The following FNTB variants were observed in gnomAD, a reference collection of about 807,000 sequenced individuals.
FNTB encodes protein farnesyltransferase subunit beta.
A neutral mutation model predicts 59.4 loss-of-function variants in FNTB; 27 were observed. The ratio of observed to expected loss-of-function variants is 0.45; its 90% confidence interval spans 0.34 to 0.63. FNTB has a LOEUF of 0.63. Ranked by LOEUF, FNTB falls within the 20% of genes least tolerant of loss-of-function variation. The pLI, the probability that FNTB is intolerant of heterozygous loss-of-function variation, is 0.02. For synonymous variants in FNTB, 230 were observed against 220.7 expected, an observed-to-expected ratio of 1.04 and a Z score of -0.37; for missense variants, 449 against 559.6, an observed-to-expected ratio of 0.80 and a Z score of 1.99.
chr14:65,015,442 G>T (rs2061754358), intron 3 of FNTB, 183 bp from the exon 4 acceptor site: 6 of 303,364 alleles, frequency 2.0e-5, no homozygotes, highest in East Asian at 4.9e-5. Flanking sequence ...TTTAACAGAT[G>T]GTCATTTCAG....
chr14:65,003,579 A>C (rs950678524), intron 1 of FNTB: 1 of 152,246 alleles, frequency 6.6e-6, no homozygotes, highest in African/African-American at 2.4e-5. Context: ...ATTCTGAAAG[A>C]GGTGATCTAG....
At position 65,054,319 on chromosome 14, in the gene FNTB, C is replaced by T. The variant is rs939500640; in HGVS notation, c.1068-256C>T. Among the ~76,000 whole-genome samples the T allele has an allele frequency of 1.3e-4, 19 of 151,986 alleles. No individual in the cohort carries two copies. The East Asian group carries it at 1.8e-3, about 14-fold the overall frequency. ...TAGAGACGGGGTCTCCCATGTTGCC[C>T]AAGTTGGTTTTGAACTCCTGGCCTC... On this transcript the variant is annotated intron_variant, in intron 10 of 11. Coordinates refer to ENST00000246166, the MANE Select transcript of FNTB (RefSeq NM_002028.4). The surrounding 1 kb of genome is among the most constrained non-coding windows in gnomAD (Gnocchi z 4.4).
At position 65,054,388 on chromosome 14, in the gene FNTB, G is replaced by A. The variant is rs10130037; in HGVS notation, c.1068-187G>A. Among the ~76,000 whole-genome samples, 15,812 of 151,506 alleles carry A rather than the reference G, an allele frequency of 0.1. 1,314 individuals are homozygous for A. The highest frequency in any genetic ancestry group is 0.23 in the African/African-American group (9,298 of 41,238). On this transcript the variant is annotated intron_variant, in intron 10 of 11. Coordinates refer to ENST00000246166, the MANE Select transcript of FNTB (RefSeq NM_002028.4). The surrounding 1 kb of genome is among the most constrained non-coding windows in gnomAD (Gnocchi z 4.4). Reference sequence around the variant, plus strand: ...AGCCTCCTGCTTGCTGGGATTATGGGTGTGAGCCACTGTGCTCAGCCAGTG... The same window carrying A: ...AGCCTCCTGCTTGCTGGGATTATGGATGTGAGCCACTGTGCTCAGCCAGTG...
chr14:65,018,273 T>G (rs904325064), intron 4 of FNTB, among the ~76,000 whole-genome samples: 1 of 152,172 alleles, frequency 6.6e-6, no homozygotes, highest in African/African-American at 2.4e-5. Flanking sequence ...GAGGCTGCAG[T>G]GAGCCATGAT....
Position 65,054,443 on chromosome 14 carries a change from A to G in FNTB, c.1068-132A>G, listed in dbSNP as rs145493668. 5.0e-4 allele frequency: 438 copies of G among 881,798 alleles called. 6 individuals carry two copies. The East Asian group carries it at 0.012, about 23-fold the overall frequency. 54.6% of individuals were successfully genotyped at this position (881,798 alleles called of 1,614,324 possible). ...TTTAAATAACACTGCTGGGAAAACC[A>G]TGCCTCCTCTAGCCACATGGAGGAT... On this transcript the variant is annotated intron_variant, in intron 10 of 11. Transcript: ENST00000246166. The surrounding 1 kb of genome is among the most constrained non-coding windows in gnomAD (Gnocchi z 4.4).
chr14:65,005,453 C>CTTTCTTTCTT (rs2061566114), intron 2 of FNTB, among the ~76,000 whole-genome samples: 2 of 65,076 alleles, frequency 3.1e-5, no homozygotes, highest in Non-Finnish European at 6.5e-5. Flanking sequence ...CCTTTCTTTT[C>CTTTCTTTCTT]TTTCTTTCTT....
At chr14:65,037,323 C>T (rs1222616664) in intron 7 of FNTB, among the ~76,000 whole-genome samples, 4 of 139,258 alleles carry the variant, frequency 2.9e-5, no homozygotes, top group East Asian at 2.3e-4. Context: ...AGGCTGGTCT[C>T]GAACTCCTGA....
At position 65,016,920 on chromosome 14, in the gene FNTB, G is replaced by GTTTTTTT. The variant is rs34191835; in HGVS notation, c.374+1218_374+1224dup. 9.6e-4 allele frequency among the ~76,000 whole-genome samples: 110 copies of GTTTTTTT among 114,834 alleles called. 1 individual carries two copies. Among genetic ancestry groups the GTTTTTTT allele is most frequent in the Non-Finnish European group, 1.4e-3 (82 of 58,360 alleles). The allele number at this position is 114,834 out of a possible 152,430, so 75.3% of individuals were successfully genotyped here. A position where few individuals can be genotyped will look rare whatever the true frequency, so the allele number is the denominator to read the frequency against. On this transcript the variant is annotated intron_variant, in intron 4 of 11. Transcript: ENST00000246166. ...TAATTGTCAAAGAAAGGCCCACGTG[G>GTTTTTTT]TTTTTTTTTTTTTTTTTTTTGAGAC...
Position 65,061,493 on chromosome 14 carries a change from G to T in FNTB, c.*181G>T. ...CTGGGTTTGGAGAACACAGTGGCTGGTTTTAAAAATTCTTTCCACACCTGT... is the reference window on the plus strand; with the variant it reads ...CTGGGTTTGGAGAACACAGTGGCTGTTTTTAAAAATTCTTTCCACACCTGT... On this transcript the variant is annotated 3_prime_UTR_variant, in exon 12 of 12. Transcript: ENST00000246166. 8.7e-7 allele frequency: 1 copy of T among 1,154,996 alleles called. No individual in the cohort carries two copies. The highest frequency in any genetic ancestry group is 1.2e-6 in the Non-Finnish European group (1 of 856,044). 71.5% of individuals were successfully genotyped at this position (1,154,996 alleles called of 1,614,324 possible).
chr14:65,043,320 C>T (rs1361007519), intron 8 of FNTB, among the ~76,000 whole-genome samples: 2 of 152,154 alleles, frequency 1.3e-5, no homozygotes, highest in African/African-American at 4.8e-5. Context: ...TCGTGTGTGA[C>T]CGCTGAGTGA....
chr14:65,044,511 C>T lies in FNTB; in HGVS notation c.955+68C>T. 1 of 1,551,108 alleles carries T rather than the reference C, an allele frequency of 6.4e-7. No individual in the cohort carries two copies. The highest frequency in any genetic ancestry group is 8.7e-7 in the Non-Finnish European group (1 of 1,154,170). ...TCCACTACTCACAAAGTCTGGAAGC[C>T]CAGCGTGCTTTTTTAGAGGGGTTGA... is the stretch of plus-strand genomic sequence containing the variant. On this transcript the variant is annotated intron_variant, in intron 9 of 11. Coordinates refer to ENST00000246166, the MANE Select transcript of FNTB (RefSeq NM_002028.4). The surrounding 1 kb of genome is among the most constrained non-coding windows in gnomAD (Gnocchi z 5.5).
rs1595012946 is a variant in FNTB at position 65,011,025 on chromosome 14, C to T, written c.210-1292C>T. On this transcript the variant is annotated intron_variant, in intron 2 of 11. Transcript: ENST00000246166. This position sits in a 1 kb window ranked among gnomAD's most constrained non-coding sequence, Gnocchi z 4.0. Reference sequence around the variant, plus strand: ...TCCTTTCTTCATGAGATATCCCCTCCCTTTTGAGCCTCAGTAGTATGTTTT... The same window carrying T: ...TCCTTTCTTCATGAGATATCCCCTCTCTTTTGAGCCTCAGTAGTATGTTTT... Among the ~76,000 whole-genome samples, 1 of 123,802 alleles carries T rather than the reference C, an allele frequency of 8.1e-6. No homozygotes were observed. Among genetic ancestry groups the T allele is most frequent in the African/African-American group, 3.2e-5 (1 of 31,328 alleles). The allele number at this position is 123,802 out of a possible 152,430, so 81.2% of individuals were successfully genotyped here.
intron 4 of FNTB, among the ~76,000 whole-genome samples, chr14:65,025,023 G>A (rs1364012281): frequency 1.3e-5 from 2 of 152,178 alleles, no homozygotes; most frequent in East Asian, 3.8e-4. Flanking sequence ...GTAGTTCATA[G>A]TCAACTTGCC....
At position 65,031,017 on chromosome 14, in the gene FNTB, A is replaced by T. The variant is rs961708558; in HGVS notation, c.606-1593A>T. ...GAGACGAGGTCTCACCATGTTGGCC[A>T]GGCTAGTCTCGAACTCCTGACCTCA... On this transcript the variant is annotated intron_variant, in intron 6 of 11. Coordinates refer to ENST00000246166, the MANE Select transcript of FNTB (RefSeq NM_002028.4). This position sits in a 1 kb window ranked among gnomAD's most constrained non-coding sequence, Gnocchi z 4.6. Among the ~76,000 whole-genome samples, 1 of 152,030 alleles carries T rather than the reference A, an allele frequency of 6.6e-6. No homozygotes were observed. Among genetic ancestry groups the T allele is most frequent in the Non-Finnish European group, 1.5e-5 (1 of 67,988 alleles).
intron 4 of FNTB, among the ~76,000 whole-genome samples, chr14:65,026,085 C>G (rs918606175): frequency 1.3e-5 from 2 of 152,204 alleles, no homozygotes; most frequent in Non-Finnish European, 2.9e-5. Flanking sequence ...TGTAGTCTTT[C>G]TGGCAGCAGT....
At chr14:65,004,458 C>G in intron 2 of FNTB, 145 bp downstream of exon 2, 1 of 825,874 alleles carries the variant, frequency 1.2e-6, no homozygotes, top group Non-Finnish European at 1.9e-6. Context: ...CCTGGATATG[C>G]TAAGACCCCC....
rs572319066 is a variant in FNTB at position 65,031,817 on chromosome 14, A to T, written c.606-793A>T. Among the ~76,000 whole-genome samples, 3 of 152,206 alleles carry T rather than the reference A, an allele frequency of 2.0e-5. No individual in the cohort carries two copies. The highest frequency in any genetic ancestry group is 7.2e-5 in the African/African-American group (3 of 41,574). On this transcript the variant is annotated intron_variant, in intron 6 of 11. Coordinates refer to ENST00000246166, the MANE Select transcript of FNTB (RefSeq NM_002028.4). This position sits in a 1 kb window ranked among gnomAD's most constrained non-coding sequence, Gnocchi z 4.6. Reference sequence around the variant, plus strand: ...GCGCCTGTAATCCCAGCTACTTGGGAGGCTGATACAGGAGAATTGCTTGAA... The same window carrying T: ...GCGCCTGTAATCCCAGCTACTTGGGTGGCTGATACAGGAGAATTGCTTGAA...
chr14:65,019,431 GAGCCGAGATCACACCACTGCACTCC>G (rs1456658167), intron 4 of FNTB, among the ~76,000 whole-genome samples: 1 of 151,588 alleles, frequency 6.6e-6, no homozygotes, highest in East Asian at 1.9e-4. Flanking sequence ...AGGTTGCAGT[GAGCCGAGATCACACCACTGCACTCC>G]AGCCTGGGTA....
chr14:64,994,047 G>A lies in FNTB; in HGVS notation c.144+6950G>A, dbSNP rs1474211471. ...ATTTTTGTATTTTAGTAGAGGTGGG[G>A]TTTTACCATGTTGACCAGGCTGGTC... On this transcript the variant is annotated intron_variant, in intron 1 of 11. Transcript: ENST00000246166. The surrounding 1 kb of genome is among the most constrained non-coding windows in gnomAD (Gnocchi z 4.2). 2.0e-5 allele frequency among the ~76,000 whole-genome samples: 3 copies of A among 152,096 alleles called. No individual in the cohort carries two copies. In the South Asian group the frequency reaches 6.2e-4, roughly 32 times the overall value.
Sources: allele counts gnomAD v4.1 joint callset (sites outside exome capture counted in the v4.1 genomes callset), GRCh38; gene constraint gnomAD v4.1.1; non-coding constraint Gnocchi (gnomAD v3.1); transcripts MANE v1.5; gene names NCBI Gene and HGNC (gene_info 2026-07-23, HGNC 2026-07-21).